The following C8orf34 variants were observed in gnomAD, a reference collection of about 807,000 sequenced individuals.
C8orf34 encodes the protein uncharacterized protein C8orf34.
Under a neutral mutation model 68.3 loss-of-function variants are expected in C8orf34, and 65 were observed. The observed-to-expected ratio is 0.95, with a 90% CI of 0.78 to 1.17. The LOEUF is 1.17. Ranked by LOEUF, C8orf34 falls within the 50% of genes most tolerant of loss-of-function variation. The pLI is 0.00. For missense variants in C8orf34, 664 were observed against 655.4 expected (o/e 1.01, Z -0.14); for synonymous variants, 244 against 241.2 (o/e 1.01, Z -0.11).
intron 7 of C8orf34, among the ~76,000 whole-genome samples, chr8:68,633,180 A>G (rs72666740): frequency 1.3e-5 from 2 of 152,184 alleles, no homozygotes; most frequent in Admixed American, 1.3e-4. Context: ...TAGTTACTGC[A>G]GCTGCTTGAC....
chr8:68,423,017 A>G (rs963615737), intron 1 of C8orf34, among the ~76,000 whole-genome samples: 1 of 152,160 alleles, frequency 6.6e-6, no homozygotes, highest in Non-Finnish European at 1.5e-5. Context: ...GAGCAGGGAG[A>G]CCCTGAGCCT....
At chr8:68,733,232 TG>T (rs1351587484) in intron 10 of C8orf34, among the ~76,000 whole-genome samples, 1 of 152,162 alleles carries the variant, frequency 6.6e-6, no homozygotes, top group Non-Finnish European at 1.5e-5. Flanking sequence ...CATCCCATTT[TG>T]TTTGCAAGCA....
chr8:68,492,349 C>A (rs773086710), intron 5 of C8orf34, among the ~76,000 whole-genome samples: 3 of 152,112 alleles, frequency 2.0e-5, no homozygotes, highest in Non-Finnish European at 4.4e-5. Context: ...CCCACCTCAG[C>A]CTCTTGAGTA....
intron 5 of C8orf34, among the ~76,000 whole-genome samples, chr8:68,499,205 C>T (rs753346134): frequency 2.0e-5 from 3 of 152,038 alleles, no homozygotes; most frequent in Non-Finnish European, 2.9e-5. Flanking sequence ...TGCATTGATT[C>T]GCTTAGGATA....
In C8orf34 at chr8:68,818,876, A is replaced by C. The variant is rs1453144968; in HGVS notation, c.*630A>C. The C allele has an allele frequency of 6.6e-6, 1 of 152,208 alleles. No individual in the cohort carries two copies. Among genetic ancestry groups the C allele is most frequent in the East Asian group, 1.9e-4 (1 of 5,188 alleles). 9.4% of individuals were successfully genotyped at this position (152,208 alleles called of 1,614,324 possible). On this transcript the variant is annotated 3_prime_UTR_variant, in exon 14 of 14. Transcript: ENST00000518698. The stretch of plus-strand genomic sequence containing the variant: ...AGGAATGAAATGCATGGCCCAAAAC[A>C]TAGAAAATGAAAATCGTTTGACCAT...
intron 6 of C8orf34, chr8:68,525,858 C>T (rs1331448069): frequency 3.0e-6 from 1 of 335,498 alleles, no homozygotes; most frequent in Non-Finnish European, 5.7e-6. Context: ...CTCTTTTTAG[C>T]ATTGTGGATG....
chr8:68,504,908 AC>A (rs1813940625), intron 5 of C8orf34, among the ~76,000 whole-genome samples: 1 of 151,596 alleles, frequency 6.6e-6, no homozygotes, highest in Non-Finnish European at 1.5e-5. Context: ...CAAACTCCTG[AC>A]CTCAGGTGAT....
intron 7 of C8orf34, among the ~76,000 whole-genome samples, chr8:68,607,488 C>T (rs1817889909): frequency 6.6e-6 from 1 of 152,088 alleles, no homozygotes; most frequent in Non-Finnish European, 1.5e-5. Context: ...ACCAGTGACA[C>T]TGGGTTAGGG....
chr8:68,666,536 C>T (rs1484141369), intron 8 of C8orf34, among the ~76,000 whole-genome samples: 1 of 152,142 alleles, frequency 6.6e-6, no homozygotes, highest in Non-Finnish European at 1.5e-5. Flanking sequence ...ATACAAAAAA[C>T]AAACAAAACA....
At chr8:68,392,599 T>G (rs1244810373) in intron 1 of C8orf34, among the ~76,000 whole-genome samples, 1 of 152,034 alleles carries the variant, frequency 6.6e-6, no homozygotes. Context: ...TATTATAAAA[T>G]AATTTTGCTT....
intron 8 of C8orf34, among the ~76,000 whole-genome samples, chr8:68,672,200 C>T (rs1184102769): frequency 4.7e-5 from 7 of 148,818 alleles, no homozygotes; most frequent in Non-Finnish European, 7.5e-5. Flanking sequence ...GTTTAAGAGA[C>T]AGTGCAAGAT....
At chr8:68,383,669 C>T (rs937855160) in intron 1 of C8orf34, among the ~76,000 whole-genome samples, 2 of 152,132 alleles carry the variant, frequency 1.3e-5, no homozygotes, top group Non-Finnish European at 2.9e-5. Context: ...CAATAGTGCA[C>T]CCTTCTGGAA....
intron 12 of C8orf34, among the ~76,000 whole-genome samples, chr8:68,788,177 G>A (rs1823896697): frequency 6.6e-6 from 1 of 152,104 alleles, no homozygotes; most frequent in Admixed American, 6.6e-5. Context: ...TTTTCTAGTG[G>A]TAGCCCTCAG....
intron 10 of C8orf34, among the ~76,000 whole-genome samples, chr8:68,750,308 GA>G (rs1822666560): frequency 6.6e-6 from 1 of 152,142 alleles, no homozygotes; most frequent in Non-Finnish European, 1.5e-5. Flanking sequence ...CTGCAACATG[GA>G]AGAACATTGA....
At chr8:68,553,121 C>T (rs540841689) in intron 7 of C8orf34, among the ~76,000 whole-genome samples, 8 of 152,004 alleles carry the variant, frequency 5.3e-5, no homozygotes, top group African/African-American at 1.7e-4. Flanking sequence ...CATGGTGGCT[C>T]ACACCTGTAA....
At chr8:68,381,394 T>C (rs1808023210) in intron 1 of C8orf34, among the ~76,000 whole-genome samples, 1 of 152,200 alleles carries the variant, frequency 6.6e-6, no homozygotes, top group Non-Finnish European at 1.5e-5. Flanking sequence ...CATTACAAGA[T>C]TCCCACCACT....
At chr8:68,599,816 C>T (rs1418045473) in intron 7 of C8orf34, among the ~76,000 whole-genome samples, 1 of 151,716 alleles carries the variant, frequency 6.6e-6, no homozygotes, top group Non-Finnish European at 1.5e-5. Flanking sequence ...TTTTGCTTAC[C>T]AAATGTCACA....
At chr8:68,776,252 A>C in intron 10 of C8orf34, 147 bp from the exon 11 acceptor site, 1 of 640,296 alleles carries the variant, frequency 1.6e-6, no homozygotes, top group Non-Finnish European at 2.7e-6. Context: ...AGAAGTTGGC[A>C]AACTAACAAT....
intron 7 of C8orf34, among the ~76,000 whole-genome samples, chr8:68,624,136 G>A (rs972551360): frequency 2.0e-4 from 31 of 152,058 alleles, no homozygotes; most frequent in African/African-American, 6.5e-4. Flanking sequence ...GCTGGGCGTG[G>A]TGGTGCACGC....
Sources: gnomAD v4.1 joint callset for allele counts (sites outside exome capture counted in the v4.1 genomes callset) on GRCh38, gnomAD v4.1.1 for gene constraint, MANE v1.5 for transcripts, NCBI Gene and HGNC (gene_info 2026-07-23, HGNC 2026-07-21) for gene names.